MAPK10: variants seen among roughly 807,000 people sequenced by gnomAD.
MAPK10 encodes mitogen-activated protein kinase 10.
A neutral mutation model predicts 59.3 loss-of-function variants in MAPK10; 25 were observed. The ratio of observed to expected loss-of-function variants is 0.42; its 90% CI spans 0.31 to 0.59. The LOEUF (loss-of-function observed/expected upper bound fraction) is 0.59, where lower values mean the gene tolerates loss of function less well. Among genes scored for constraint, MAPK10 ranks in the 20% least tolerant of loss-of-function variants. The probability of loss-of-function intolerance (pLI) is 0.15; values close to 1 mark genes in which losing one functional copy is unlikely to be tolerated. For missense variants in MAPK10, 351 were observed against 568.9 expected (o/e 0.62, Z 3.90); for synonymous variants, 190 against 200.5 (o/e 0.95, Z 0.44).
intron 1 of MAPK10, among the ~76,000 whole-genome samples, chr4:86,528,426 A>G (rs1292873497): frequency 6.6e-6 from 1 of 152,216 alleles, no homozygotes; most frequent in African/African-American, 2.4e-5. Flanking sequence ...ATCCTTCTAT[A>G]TATTTTGAAT....
chr4:86,501,590 C>T lies in MAPK10; in HGVS notation c.-263+92320G>A, dbSNP rs1274057591. Among the ~76,000 whole-genome samples the T allele has an allele frequency of 4.6e-5, 7 of 151,868 alleles. No homozygotes were observed. In the East Asian group the frequency reaches 1.2e-3, roughly 25 times the overall value. On this transcript the variant is annotated intron_variant, in intron 1 of 4. Transcript: ENST00000502302. Reference sequence around the variant, plus strand: ...TTAGTTGGGTTAAACCCATAATATCCATCTATAACTTATCCAGGGTATTCT... The same window carrying T: ...TTAGTTGGGTTAAACCCATAATATCTATCTATAACTTATCCAGGGTATTCT...
chr4:86,140,524 G>C (rs1490860915), intron 4 of MAPK10, among the ~76,000 whole-genome samples: 2 of 125,846 alleles, frequency 1.6e-5, no homozygotes, highest in African/African-American at 6.6e-5. Context: ...CACACTCTGG[G>C]GACTATTGTG....
intron 1 of MAPK10, among the ~76,000 whole-genome samples, chr4:86,472,326 T>G (rs766939584): frequency 5.9e-5 from 9 of 152,180 alleles, no homozygotes; most frequent in Non-Finnish European, 1.2e-4. Flanking sequence ...TAAGAGATCT[T>G]CAAATACCGA....
intron 11 of MAPK10, among the ~76,000 whole-genome samples, chr4:86,053,355 G>A (rs2043932512): frequency 6.6e-6 from 1 of 152,200 alleles, no homozygotes; most frequent in African/African-American, 2.4e-5. Flanking sequence ...CAGTGGTTAA[G>A]AGGAGATTCT....
intron 1 of MAPK10, among the ~76,000 whole-genome samples, chr4:86,537,213 G>C (rs1758316237): frequency 6.6e-6 from 1 of 152,072 alleles, no homozygotes; most frequent in Admixed American, 6.6e-5. Context: ...GCATATGAGA[G>C]AACTGATCAA....
At chr4:86,580,383 C>T (rs952897098) in intron 1 of MAPK10, among the ~76,000 whole-genome samples, 5 of 151,912 alleles carry the variant, frequency 3.3e-5, no homozygotes, top group African/African-American at 1.2e-4. Flanking sequence ...TCTGTAGTCC[C>T]AGCTACTTGG....
chr4:86,330,191 T>C (rs568096097), intron 2 of MAPK10, among the ~76,000 whole-genome samples: 14 of 152,306 alleles, frequency 9.2e-5, no homozygotes, highest in African/African-American at 3.4e-4. Context: ...ACAGTGCTTG[T>C]TTTCAGTTTT....
At chr4:86,220,894 A>C (rs1326531950) in intron 2 of MAPK10, among the ~76,000 whole-genome samples, 1 of 152,238 alleles carries the variant, frequency 6.6e-6, no homozygotes, top group African/African-American at 2.4e-5. Flanking sequence ...GTTATGTCTC[A>C]ATTGTCGAAC....
chr4:86,550,661 C>T (rs1759706252), intron 1 of MAPK10, among the ~76,000 whole-genome samples: 1 of 152,148 alleles, frequency 6.6e-6, no homozygotes, highest in Non-Finnish European at 1.5e-5. Context: ...CAAGATCATG[C>T]CATTGCACCC....
At chr4:86,423,920 TTAC>T (rs1746911722) in intron 1 of MAPK10, among the ~76,000 whole-genome samples, 1 of 151,638 alleles carries the variant, frequency 6.6e-6, no homozygotes, top group Non-Finnish European at 1.5e-5. Flanking sequence ...AACCTAAAAG[TTAC>T]TACAAGATAT....
At chr4:86,055,888 A>G (rs2044456726) in intron 11 of MAPK10, among the ~76,000 whole-genome samples, 1 of 150,112 alleles carries the variant, frequency 6.7e-6, no homozygotes, top group Admixed American at 6.6e-5. Flanking sequence ...CTTCACTTGC[A>G]AACTGACTTC....
chr4:86,223,625 C>A (rs549883079), intron 2 of MAPK10, among the ~76,000 whole-genome samples: 1 of 152,274 alleles, frequency 6.6e-6, no homozygotes, highest in South Asian at 2.1e-4. Flanking sequence ...TTTCCACCTG[C>A]AGGAGGCAGT....
At chr4:86,479,929 A>G (rs59034683) in intron 1 of MAPK10, among the ~76,000 whole-genome samples, 3,795 of 151,854 alleles carry the variant, frequency 0.025, 122 homozygotes, top group African/African-American at 0.073. Context: ...TTCCCACGCC[A>G]CCCCTAATCC....
intron 1 of MAPK10, among the ~76,000 whole-genome samples, chr4:86,543,039 G>A (rs1246795004): frequency 6.6e-6 from 1 of 152,136 alleles, no homozygotes; most frequent in African/African-American, 2.4e-5. Flanking sequence ...GAAGGTTCAC[G>A]TATAGAGGGA....
intron 1 of MAPK10, among the ~76,000 whole-genome samples, chr4:86,560,740 T>A (rs78695472): frequency 0.047 from 7,128 of 152,302 alleles, 218 homozygotes; most frequent in African/African-American, 0.059. Flanking sequence ...AATAATCCTT[T>A]TTGACCCCAG....
chr4:86,486,903 A>G (rs1754038087), intron 1 of MAPK10, among the ~76,000 whole-genome samples: 1 of 152,234 alleles, frequency 6.6e-6, no homozygotes, highest in South Asian at 2.1e-4. Context: ...TACTCTGAGA[A>G]GGACAAATCA....
At chr4:86,468,662 T>G (rs984707196) in intron 1 of MAPK10, among the ~76,000 whole-genome samples, 1 of 152,140 alleles carries the variant, frequency 6.6e-6, no homozygotes, top group Non-Finnish European at 1.5e-5. Context: ...GGGATCAGCC[T>G]GGTCAACATG....
chr4:86,429,235 G>A (rs1347042308), intron 1 of MAPK10, among the ~76,000 whole-genome samples: 1 of 152,076 alleles, frequency 6.6e-6, no homozygotes, highest in Non-Finnish European at 1.5e-5. Context: ...TTTGGTATCG[G>A]AGATTTCGAA....
intron 13 of MAPK10, among the ~76,000 whole-genome samples, chr4:86,021,964 G>T (rs4479697): frequency 6.6e-6 from 1 of 152,076 alleles, no homozygotes; most frequent in African/African-American, 2.4e-5. Context: ...CGCCGCACGC[G>T]GCCCGGGTTC....
Sources: gnomAD v4.1 joint callset for allele counts (sites outside exome capture counted in the v4.1 genomes callset) on GRCh38, gnomAD v4.1.1 for gene constraint, MANE v1.5 for transcripts, NCBI Gene and HGNC (gene_info 2026-07-23, HGNC 2026-07-21) for gene names.